The following CACNA2D3 variants were observed in gnomAD, a reference collection of about 807,000 sequenced individuals.
CACNA2D3 encodes the protein calcium voltage-gated channel auxiliary subunit alpha2delta 3, also known as voltage-dependent calcium channel subunit alpha-2/delta-3.
CACNA2D3 carries 60 observed loss-of-function variants against 160.6 expected under a neutral mutation model. That is an observed-to-expected ratio of 0.37 (90% confidence interval 0.30 to 0.46). The LOEUF (loss-of-function observed/expected upper bound fraction) is 0.46. Among genes scored for constraint, CACNA2D3 ranks in the 20% least tolerant of loss-of-function variants. The pLI is 1.00. For synonymous variants in CACNA2D3, 558 were observed against 492.9 expected, an observed-to-expected ratio of 1.13 and a Z score of -1.75; for missense variants, 1,205 against 1,365.0, an observed-to-expected ratio of 0.88 and a Z score of 1.85.
At chr3:54,845,434 AT>A (rs915078224) in intron 16 of CACNA2D3, among the ~76,000 whole-genome samples, 4 of 152,084 alleles carry the variant, frequency 2.6e-5, no homozygotes, top group Non-Finnish European at 5.9e-5. Flanking sequence ...GGAAAAAAAA[AT>A]AGAGGATTTC....
At chr3:54,376,135 C>G (rs750335028) in intron 3 of CACNA2D3, among the ~76,000 whole-genome samples, 2 of 152,174 alleles carry the variant, frequency 1.3e-5, no homozygotes, top group Non-Finnish European at 1.5e-5. Flanking sequence ...ACTCCTTAGC[C>G]TAGCTCAACA....
chr3:54,931,317 CA>C (rs1701184811), intron 27 of CACNA2D3, among the ~76,000 whole-genome samples: 1 of 152,178 alleles, frequency 6.6e-6, no homozygotes, highest in Non-Finnish European at 1.5e-5. Flanking sequence ...AAAAGATGGA[CA>C]ATGCACACAT....
At chr3:54,639,357 A>T (rs1699454159) in intron 10 of CACNA2D3, 1 of 152,316 alleles carries the variant, frequency 6.6e-6, no homozygotes, top group Non-Finnish European at 1.5e-5. Flanking sequence ...GCGTGGTCTG[A>T]AACGTGAAAT....
chr3:54,232,520 G>A lies in CACNA2D3; in HGVS notation c.205-87922G>A, dbSNP rs75826585. ...TGAGTTTTTAAACTCAAAAGGAAAC[G>A]TTACAAGCGGTGACTTGCATGAGGG... is the stretch of plus-strand genomic sequence containing the variant. On this transcript the variant is annotated intron_variant, in intron 2 of 37. Transcript: ENST00000474759. Among the ~76,000 whole-genome samples, 602 of 152,220 alleles carry A rather than the reference G, an allele frequency of 4.0e-3. 7 individuals carry two copies. Among genetic ancestry groups the A allele is most frequent in the African/African-American group, 0.014 (582 of 41,522 alleles).
intron 27 of CACNA2D3, among the ~76,000 whole-genome samples, chr3:54,941,497 T>C (rs1003820985): frequency 6.6e-6 from 1 of 152,168 alleles, no homozygotes; most frequent in Non-Finnish European, 1.5e-5. Flanking sequence ...CTCCATTCAT[T>C]GTTCATCGTT....
Position 54,149,928 on chromosome 3 carries a change from T to TCCCC in CACNA2D3, c.204+26335_204+26336insCCCC, listed in dbSNP as rs1700112205. ...CTCTCTCTCTCTCTCTCTCTCTCTCTCTCCCTCCCTCCCTCCCTCCCTCCC... is the reference window on the plus strand; with the variant it reads ...CTCTCTCTCTCTCTCTCTCTCTCTCTCCCCCTCCCTCCCTCCCTCCCTCCCTCCC... On this transcript the variant is annotated intron_variant, in intron 2 of 37. Transcript: ENST00000474759. 1.7e-3 allele frequency among the ~76,000 whole-genome samples: 61 copies of TCCCC among 35,556 alleles called. 4 individuals carry two copies. The highest frequency in any genetic ancestry group is 0.013 in the East Asian group (17 of 1,276). The allele number at this position is 35,556 out of a possible 152,430, so 23.3% of individuals were successfully genotyped here.
At chr3:54,393,884 T>C (rs1211200069) in intron 4 of CACNA2D3, among the ~76,000 whole-genome samples, 1 of 152,214 alleles carries the variant, frequency 6.6e-6, no homozygotes, top group African/African-American at 2.4e-5. Flanking sequence ...GACACCCGTC[T>C]TCTTGGGGAG....
At chr3:54,322,442 A>G (rs535717324) in intron 3 of CACNA2D3, among the ~76,000 whole-genome samples, 13 of 152,378 alleles carry the variant, frequency 8.5e-5, no homozygotes, top group South Asian at 8.3e-4. Context: ...TCATTCTTGT[A>G]TCAACACTAG....
intron 6 of CACNA2D3, among the ~76,000 whole-genome samples, chr3:54,567,193 A>G (rs1702422247): frequency 6.6e-6 from 1 of 152,244 alleles, no homozygotes; most frequent in Non-Finnish European, 1.5e-5. Context: ...AGAGAAGTGC[A>G]TAGGCAGCTT....
In CACNA2D3 at chr3:54,882,474, T is replaced by C. The variant is rs151085564; in HGVS notation, c.1912+1611T>C. On this transcript the variant is annotated intron_variant, in intron 21 of 37. Coordinates refer to ENST00000474759, the MANE Select transcript of CACNA2D3 (RefSeq NM_018398.3). Reference sequence around the variant, plus strand: ...CTTTTGGATTCTTTTTCAGTCACTATCTTCCTGTATGTTCCACAGCTGTGA... The same window carrying C: ...CTTTTGGATTCTTTTTCAGTCACTACCTTCCTGTATGTTCCACAGCTGTGA... 7.4e-4 allele frequency among the ~76,000 whole-genome samples: 112 copies of C among 152,332 alleles called. 1 individual carries two copies. In the East Asian group the frequency reaches 0.014, roughly 19 times the overall value.
At chr3:54,731,374 G>A (rs529409122) in intron 11 of CACNA2D3, among the ~76,000 whole-genome samples, 1 of 152,268 alleles carries the variant, frequency 6.6e-6, no homozygotes, top group South Asian at 2.1e-4. Flanking sequence ...TCATTCACTA[G>A]GTTCTTCAGA....
intron 11 of CACNA2D3, among the ~76,000 whole-genome samples, chr3:54,736,929 C>T (rs1008931912): frequency 6.6e-6 from 1 of 152,138 alleles, no homozygotes; most frequent in African/African-American, 2.4e-5. Flanking sequence ...TCAATGCAGT[C>T]GTATCATGTA....
At chr3:54,369,086 T>C (rs954158222) in intron 3 of CACNA2D3, among the ~76,000 whole-genome samples, 5 of 152,148 alleles carry the variant, frequency 3.3e-5, no homozygotes, top group African/African-American at 9.7e-5. Context: ...GCTTAATTAA[T>C]AGAATTGAAG....
intron 5 of CACNA2D3, among the ~76,000 whole-genome samples, chr3:54,561,400 G>A (rs926569814): frequency 2.0e-5 from 3 of 152,182 alleles, no homozygotes; most frequent in South Asian, 4.1e-4. Flanking sequence ...GTATAGGAAT[G>A]CTAGTGATAT....
chr3:54,979,774 A>G (rs1358667989), intron 29 of CACNA2D3, among the ~76,000 whole-genome samples: 1 of 152,180 alleles, frequency 6.6e-6, no homozygotes, highest in African/African-American at 2.4e-5. Flanking sequence ...ACATTATCAG[A>G]AATCTGCATT....
intron 2 of CACNA2D3, among the ~76,000 whole-genome samples, chr3:54,180,286 A>T (rs1321896748): frequency 6.6e-6 from 1 of 152,114 alleles, no homozygotes; most frequent in Non-Finnish European, 1.5e-5. Flanking sequence ...AACCATGCTC[A>T]GGCCCATCTG....
At chr3:54,703,775 AAGCTCACAGTAG>A (rs1700809326) in intron 11 of CACNA2D3, among the ~76,000 whole-genome samples, 1 of 152,328 alleles carries the variant, frequency 6.6e-6, no homozygotes, top group Middle Eastern at 3.4e-3. Context: ...AAATGTCGGC[AAGCTCACAGTAG>A]AGCACAAAGG....
intron 2 of CACNA2D3, among the ~76,000 whole-genome samples, chr3:54,172,441 A>G (rs2107312885): frequency 6.6e-6 from 1 of 152,242 alleles, no homozygotes; most frequent in South Asian, 2.1e-4. Flanking sequence ...CCTTTGTTGT[A>G]CATTTTAAAA....
intron 29 of CACNA2D3, among the ~76,000 whole-genome samples, chr3:54,981,042 G>A (rs967783530): frequency 6.6e-6 from 1 of 152,066 alleles, no homozygotes; most frequent in Non-Finnish European, 1.5e-5. Context: ...TACACAGACA[G>A]GCAGAAGATA....
Sources: allele counts gnomAD v4.1 joint callset (sites outside exome capture counted in the v4.1 genomes callset), GRCh38; gene constraint gnomAD v4.1.1; transcripts MANE v1.5; gene names NCBI Gene and HGNC (gene_info 2026-07-23, HGNC 2026-07-21).